Variants in EVI5 observed in about 807,000 individuals in gnomAD.
EVI5 encodes the protein ecotropic viral integration site 5 protein homolog.
Under a neutral mutation model 112.0 loss-of-function variants are expected in EVI5, and 73 were observed. That is an observed-to-expected ratio of 0.65 (90% CI 0.54 to 0.79). The LOEUF (loss-of-function observed/expected upper bound fraction) is 0.79, where lower values mean the gene tolerates loss of function less well. Ranked by LOEUF, EVI5 falls within the 30% of genes least tolerant of loss-of-function variation. The pLI is 0.00. For synonymous variants in EVI5, 305 were observed against 319.9 expected, an observed-to-expected ratio of 0.95 and a Z score of 0.50; for missense variants, 900 against 968.8, an observed-to-expected ratio of 0.93 and a Z score of 0.94.
intron 16 of EVI5, among the ~76,000 whole-genome samples, chr1:92,609,731 AC>A (rs761583773): frequency 4.0e-5 from 6 of 151,888 alleles, no homozygotes; most frequent in East Asian, 3.9e-4. Context: ...TATGAAAAAG[AC>A]CCCCCTCCAG....
At chr1:92,617,810 C>T (rs1344311384) in intron 16 of EVI5, among the ~76,000 whole-genome samples, 2 of 152,232 alleles carry the variant, frequency 1.3e-5, no homozygotes, top group Non-Finnish European at 2.9e-5. Flanking sequence ...GGAATAGACA[C>T]TTACTCTGGA....
intron 8 of EVI5, 65 bp downstream of exon 8, chr1:92,694,234 C>T (rs1428016265): frequency 7.2e-6 from 7 of 971,358 alleles, no homozygotes; most frequent in Non-Finnish European, 1.1e-5. Context: ...CACTGCACTC[C>T]AGCCTGGGCA....
At chr1:92,723,814 T>C (rs1675130644) in intron 2 of EVI5, among the ~76,000 whole-genome samples, 1 of 152,142 alleles carries the variant, frequency 6.6e-6, no homozygotes, top group East Asian at 1.9e-4. Context: ...CGCTGAATTA[T>C]TTTCCCAGCA....
At chr1:92,635,572 T>C (rs1335021231) in intron 14 of EVI5, among the ~76,000 whole-genome samples, 1 of 152,082 alleles carries the variant, frequency 6.6e-6, no homozygotes, top group Admixed American at 6.5e-5. Context: ...CCAGGTGCCG[T>C]CCATCACCCC....
chr1:92,666,033 G>C (rs774317813), intron 10 of EVI5, 41 bp from the exon 11 acceptor site: 7 of 1,348,226 alleles, frequency 5.2e-6, no homozygotes, highest in Non-Finnish European at 6.2e-6. Flanking sequence ...GCATTTTTGA[G>C]AGGAAAAAAA....
chr1:92,632,985 T>C (rs1657547970), intron 14 of EVI5, among the ~76,000 whole-genome samples: 1 of 152,258 alleles, frequency 6.6e-6, no homozygotes, highest in Non-Finnish European at 1.5e-5. Context: ...TGATCGGTTT[T>C]GAGTGAGTTT....
At chr1:92,630,559 T>C (rs1656799661) in intron 14 of EVI5, among the ~76,000 whole-genome samples, 2 of 151,542 alleles carry the variant, frequency 1.3e-5, no homozygotes, top group South Asian at 4.2e-4. Flanking sequence ...TTGTAGATTC[T>C]GGATATTAGC....
upstream of EVI5, chr1:92,785,132 T>C (rs1003572645): frequency 4.1e-6 from 4 of 984,608 alleles, no homozygotes. Context: ...GGGAGGGCCT[T>C]AAAGAGACCC....
intron 18 of EVI5, among the ~76,000 whole-genome samples, chr1:92,573,437 T>G (rs561778015): frequency 1.3e-5 from 2 of 152,200 alleles, no homozygotes; most frequent in South Asian, 4.1e-4. Context: ...TCTCAAATAT[T>G]ATTTTATAAG....
chr1:92,741,241 G>C (rs1678341380), intron 1 of EVI5, among the ~76,000 whole-genome samples: 1 of 152,204 alleles, frequency 6.6e-6, no homozygotes, highest in African/African-American at 2.4e-5. Flanking sequence ...CAGGCAATCT[G>C]GTTGGAGATT....
chr1:92,528,165 A>G (rs776072763), intron 19 of EVI5, among the ~76,000 whole-genome samples: 1 of 152,210 alleles, frequency 6.6e-6, no homozygotes, highest in Non-Finnish European at 1.5e-5. Flanking sequence ...TTAATAGAAA[A>G]TACAACACTG....
intron 1 of EVI5, among the ~76,000 whole-genome samples, chr1:92,757,765 G>A (rs1005238211): frequency 1.3e-5 from 2 of 151,786 alleles, no homozygotes; most frequent in Non-Finnish European, 2.9e-5. Context: ...AGCCAGGCAT[G>A]GTGGTGCACG....
intron 2 of EVI5, among the ~76,000 whole-genome samples, chr1:92,708,957 A>G (rs1259435625): frequency 6.6e-6 from 1 of 152,204 alleles, no homozygotes; most frequent in Non-Finnish European, 1.5e-5. Flanking sequence ...GAAGGTAGTC[A>G]GGAAAACATA....
intron 19 of EVI5, among the ~76,000 whole-genome samples, chr1:92,533,746 C>G (rs1256633244): frequency 6.6e-6 from 1 of 152,154 alleles, no homozygotes; most frequent in Admixed American, 6.5e-5. Flanking sequence ...ATGCTAAAAC[C>G]TCTCAATAAA....
chr1:92,577,536 C>T (rs948231880), intron 18 of EVI5, among the ~76,000 whole-genome samples: 8 of 152,140 alleles, frequency 5.3e-5, no homozygotes, highest in African/African-American at 1.4e-4. Flanking sequence ...GAACCAAAGC[C>T]GGTTCCTAAG....
In EVI5 at chr1:92,554,030, A is replaced by G. The variant is rs2100792130; in HGVS notation, c.2166+9612T>C. 1.3e-5 allele frequency among the ~76,000 whole-genome samples: 2 copies of G among 152,332 alleles called. 1 individual carries two copies. The highest frequency in any genetic ancestry group is 4.1e-4 in the South Asian group (2 of 4,830). ...CAAAACATCAAACATGGCTAGGAAA[A>G]CTGCCTGTTTTCAGAAAGTCATCAA... On this transcript the variant is annotated intron_variant, in intron 19 of 19. Coordinates refer to ENST00000684568, the MANE Select transcript of EVI5 (RefSeq NM_001350197.2).
intron 18 of EVI5, among the ~76,000 whole-genome samples, chr1:92,570,984 CTTCTA>C (rs1187495052): frequency 6.6e-6 from 1 of 151,818 alleles, no homozygotes; most frequent in East Asian, 1.9e-4. Flanking sequence ...GTTTCTTGAA[CTTCTA>C]TTCACTGTGG....
chr1:92,580,302 G>A (rs374384721), intron 18 of EVI5, among the ~76,000 whole-genome samples: 1 of 152,164 alleles, frequency 6.6e-6, no homozygotes, highest in African/African-American at 2.4e-5. Context: ...TTGTCTGCTA[G>A]TGATCCTGAT....
intron 5 of EVI5, 94 bp downstream of exon 5, chr1:92,702,047 C>A: frequency 1.6e-6 from 1 of 610,180 alleles, no homozygotes; most frequent in Non-Finnish European, 2.8e-6. Flanking sequence ...TACCCATATC[C>A]ACTTACATTT....
Sources: allele counts gnomAD v4.1 joint callset (sites outside exome capture counted in the v4.1 genomes callset), GRCh38; gene constraint gnomAD v4.1.1; transcripts MANE v1.5; gene names NCBI Gene and HGNC (gene_info 2026-07-23, HGNC 2026-07-21).